The following CNGB1 variants were observed in gnomAD, a reference collection of about 807,000 sequenced individuals.
The protein encoded by CNGB1 is cyclic nucleotide gated channel subunit beta 1.
A neutral mutation model predicts 151.7 loss-of-function variants in CNGB1; 126 were observed. The ratio of observed to expected loss-of-function variants is 0.83; its 90% confidence interval spans 0.72 to 0.96. The LOEUF (loss-of-function observed/expected upper bound fraction) is 0.96, where lower values mean the gene tolerates loss of function less well. Among genes scored for constraint, CNGB1 ranks in the 40% least tolerant of loss-of-function variants. The probability of loss-of-function intolerance (pLI) is 0.00; values close to 1 mark genes in which losing one functional copy is unlikely to be tolerated. For synonymous variants in CNGB1, 623 were observed against 635.1 expected (o/e 0.98, Z 0.29); for missense variants, 1,698 against 1,627.0 (o/e 1.04, Z -0.75).
rs1327451369 is a variant in CNGB1 at position 57,960,837 on chromosome 16, C to T, written c.534+3G>A. On this transcript the variant is annotated splice_donor_region_variant and intron_variant, in intron 8 of 32. Coordinates refer to ENST00000251102, the MANE Select transcript of CNGB1 (RefSeq NM_001297.5). ...CTCCCTGCCTCTCCCTTCCTTGGCT[C>T]ACCTCAGAGGATTTGGGGGGCTGAG... is the stretch of plus-strand genomic sequence containing the variant. The T allele has an allele frequency of 2.5e-6, 4 of 1,613,688 alleles. No individual in the cohort carries two copies. Among genetic ancestry groups the T allele is most frequent in the African/African-American group, 2.7e-5 (2 of 74,926 alleles).
Position 57,959,978 on chromosome 16 carries a change from T to C in CNGB1, c.671A>G (p.Lys224Arg). Reference sequence around the variant, plus strand: ...AGCTGGTGCCTCCTTGGGTTCCTCCTTGGGCTGCAGGGGGATGGGTGTGGG... The same window carrying C: ...AGCTGGTGCCTCCTTGGGTTCCTCCCTGGGCTGCAGGGGGATGGGTGTGGG... ...SLPTPIPLQP[K>R]EEPKEAPAPE... Residue 224 changes from lysine to arginine, a missense_variant, in exon 10 of 33, where the codon AAG becomes AGG. Physicochemically the swap from Lys to Arg is conservative, Grantham distance 26 (BLOSUM62 2). Transcript: ENST00000251102. 1 of 1,592,834 alleles carries C rather than the reference T, an allele frequency of 6.3e-7. No individual in the cohort carries two copies. Among genetic ancestry groups the C allele is most frequent in the Non-Finnish European group, 8.5e-7 (1 of 1,170,096 alleles).
At chr16:57,943,796 T>C (rs1195509430) in intron 14 of CNGB1, among the ~76,000 whole-genome samples, 1 of 152,068 alleles carries the variant, frequency 6.6e-6, no homozygotes, top group Non-Finnish European at 1.5e-5. Context: ...AAGTTAAAAA[T>C]GGAACTACCA....
chr16:57,913,105 C>T (rs1421948097), intron 23 of CNGB1, 111 bp from the exon 24 acceptor site: 6 of 963,996 alleles, frequency 6.2e-6, no homozygotes, highest in Non-Finnish European at 1.0e-5. Flanking sequence ...CAGGAGGGAA[C>T]AGGACGGTGA....
At chr16:57,957,250 G>A in intron 12 of CNGB1, 91 bp downstream of exon 12, 1 of 1,284,110 alleles carries the variant, frequency 7.8e-7, no homozygotes. Context: ...TCTGGCCAGG[G>A]ACAGCCCCCC....
chr16:57,929,862 A>C (rs1405488803), intron 17 of CNGB1, among the ~76,000 whole-genome samples: 1 of 152,262 alleles, frequency 6.6e-6, no homozygotes, highest in Non-Finnish European at 1.5e-5. Context: ...CCATATAATC[A>C]GAGAAATGCA....
At chr16:57,950,606 C>CCAGGGAGCCTGCAGGGAGCCTG (rs142602075) in intron 12 of CNGB1, 66 bp from the exon 13 acceptor site, 7 of 1,551,402 alleles carry the variant, frequency 4.5e-6, no homozygotes, top group Non-Finnish European at 6.2e-6. Context: ...CCTCTGAGTC[C>CCAGGGAGCCTGCAGGGAGCCTG]CAGGGAGCCT....
chr16:57,959,243 G>C (rs1165915978), intron 10 of CNGB1, among the ~76,000 whole-genome samples: 1 of 151,874 alleles, frequency 6.6e-6, no homozygotes, highest in Non-Finnish European at 1.5e-5. Context: ...TAATGCAGCT[G>C]TTCAAGAAAG....
intron 14 of CNGB1, 85 bp downstream of exon 14, chr16:57,949,268 T>C: frequency 1.9e-6 from 3 of 1,597,102 alleles, no homozygotes; most frequent in Non-Finnish European, 1.7e-6. Context: ...GGAGCTCCCA[T>C]GAGCAGCAAA....
chr16:57,933,467 C>T (rs1465155224), intron 16 of CNGB1, among the ~76,000 whole-genome samples: 2 of 152,132 alleles, frequency 1.3e-5, no homozygotes, highest in Non-Finnish European at 2.9e-5. Flanking sequence ...CTGGACGTGG[C>T]CCTACCTTGG....
chr16:57,901,359 C>A lies in CNGB1; in HGVS notation c.2969G>T (p.Cys990Phe), dbSNP rs745309942. ...SVVYLPNDYV[C>F]KKGEIGREMY... is the part of the protein sequence containing the mutation. ...GCTGCCAGGCCAGCTCACCTTCTTG[C>A]ACACATAGTCGTTGGGCAGGTAGAC... Residue 990 changes from cysteine (C) to phenylalanine (F), a missense_variant, in exon 29 of 33, where the codon TGC becomes TTC. Cys to Phe is a radical substitution (Grantham distance 205). Transcript: ENST00000251102. The A allele has an allele frequency of 1.2e-6, 2 of 1,614,122 alleles. No homozygotes were observed. Among genetic ancestry groups the A allele is most frequent in the Non-Finnish European group, 8.5e-7 (1 of 1,180,014 alleles).
Position 57,919,254 on chromosome 16 carries a change from G to A in CNGB1, c.1802C>T (p.Ser601Phe), listed in dbSNP as rs1175417144. 6.2e-7 allele frequency: 1 copy of A among 1,614,080 alleles called. No homozygotes were observed. Among genetic ancestry groups the A allele is most frequent in the Non-Finnish European group, 8.5e-7 (1 of 1,180,046 alleles). The change falls in exon 20 of 33, where the codon TCC becomes TTC. Residue 601 changes from serine to phenylalanine, a missense_variant and splice_region_variant. Coordinates refer to ENST00000251102, the MANE Select transcript of CNGB1 (RefSeq NM_001297.5). ...TGGCTCTGGGGCTTTCTTGGCTGGG[G>A]CTGTGGGATGACATTGGTGACCATC... ...VTSDEESPKP[S>F]PAKKAPEPAP... is the part of the protein sequence containing the mutation.
intron 25 of CNGB1, among the ~76,000 whole-genome samples, chr16:57,907,123 G>A (rs450837): frequency 0.69 from 105,670 of 152,088 alleles, 36,795 homozygotes; most frequent in South Asian, 0.75. Context: ...CCAAGGAAGC[G>A]TGCCCTTCCC....
At chr16:57,896,295 G>A (rs953306027) in intron 31 of CNGB1, among the ~76,000 whole-genome samples, 4 of 152,244 alleles carry the variant, frequency 2.6e-5, no homozygotes, top group South Asian at 2.1e-4. Context: ...GGCATCGTGC[G>A]CCTCTCGATA....
intron 2 of CNGB1, among the ~76,000 whole-genome samples, chr16:57,964,922 C>T (rs191589764): frequency 9.8e-5 from 15 of 152,294 alleles, no homozygotes; most frequent in African/African-American, 2.9e-4. Context: ...GAGGAGCCCA[C>T]GCCCCTCATC....
chr16:57,902,325 C>G (rs1293283282), intron 27 of CNGB1, among the ~76,000 whole-genome samples: 6 of 152,098 alleles, frequency 3.9e-5, no homozygotes, highest in Admixed American at 3.9e-4. Flanking sequence ...CCCACCTGAG[C>G]CTCCCAAAGT....
intron 31 of CNGB1, among the ~76,000 whole-genome samples, chr16:57,896,483 G>A (rs1327798314): frequency 6.6e-6 from 1 of 151,780 alleles, no homozygotes; most frequent in Non-Finnish European, 1.5e-5. Flanking sequence ...GGGAGGCCGA[G>A]GGGGGTGGAT....
intron 30 of CNGB1, 22 bp from the exon 31 acceptor site, chr16:57,897,565 G>A (rs779121632): frequency 1.2e-6 from 2 of 1,613,628 alleles, no homozygotes; most frequent in Non-Finnish European, 1.7e-6. Context: ...AAGGGAGGAA[G>A]GAGGCCCTTC....
chr16:57,927,238 G>A lies in CNGB1; in HGVS notation c.1536-3858C>T, dbSNP rs1304379710. Among the ~76,000 whole-genome samples the A allele has an allele frequency of 4.6e-5, 7 of 152,302 alleles. No homozygotes were observed. In the South Asian group the frequency reaches 1.0e-3, roughly 23 times the overall value. ...TTAAATGACCTGCCTTAAGACCCAC[G>A]TCTTACAAGTGATGCTCTGGGATTC... On this transcript the variant is annotated intron_variant, in intron 17 of 32. Transcript: ENST00000251102.
At chr16:57,923,552 A>T (rs1455843679) in intron 17 of CNGB1, among the ~76,000 whole-genome samples, 172 bp from the exon 18 acceptor site, 1 of 152,118 alleles carries the variant, frequency 6.6e-6, no homozygotes, top group Non-Finnish European at 1.5e-5. Context: ...AAACGGCAGA[A>T]GAGAGGGGCA....
Sources: gnomAD v4.1 joint callset for allele counts (sites outside exome capture counted in the v4.1 genomes callset) on GRCh38, gnomAD v4.1.1 for gene constraint, MANE v1.5 for transcripts, NCBI Gene and HGNC (gene_info 2026-07-23, HGNC 2026-07-21) for gene names.